SEC13: variants seen among roughly 807,000 people sequenced by gnomAD.
SEC13 encodes the protein SEC13 homolog, nuclear pore and COPII component, also known as protein SEC13 homolog.
Under a neutral mutation model 49.2 loss-of-function variants are expected in SEC13, and 25 were observed. That is an observed-to-expected ratio of 0.51 (90% CI 0.37 to 0.71). The LOEUF is 0.71. Among genes scored for constraint, SEC13 ranks in the 30% least tolerant of loss-of-function variants. The pLI, the probability that SEC13 is intolerant of heterozygous loss-of-function variation, is 0.00. For synonymous variants in SEC13, 148 were observed against 163.9 expected (o/e 0.90, Z 0.74); for missense variants, 383 against 417.6 (o/e 0.92, Z 0.72).
At chr3:10,306,433 GTC>G (rs1321421776) in intron 5 of SEC13, among the ~76,000 whole-genome samples, 2 of 152,180 alleles carry the variant, frequency 1.3e-5, no homozygotes, top group Non-Finnish European at 2.9e-5. Context: ...ACGTTAGATT[GTC>G]TCTTATATTA....
chr3:10,301,012 G>T lies in SEC13; in HGVS notation c.*249C>A. The T allele has an allele frequency of 2.0e-6, 3 of 1,467,514 alleles. No homozygotes were observed. Among genetic ancestry groups the T allele is most frequent in the Non-Finnish European group, 2.8e-6 (3 of 1,067,086 alleles). The allele number at this position is 1,467,514 out of a possible 1,614,324, so 90.9% of individuals were successfully genotyped here. On this transcript the variant is annotated 3_prime_UTR_variant, in exon 9 of 9. Transcript: ENST00000350697. ...CCTGAACCCAAAGGTACATAAAAAT[G>T]ACCCAAAATAGATTTGAACATCACT...
At chr3:10,303,400 C>T (rs559974250) in intron 8 of SEC13, among the ~76,000 whole-genome samples, 32 of 152,318 alleles carry the variant, frequency 2.1e-4, no homozygotes, top group Admixed American at 1.1e-3. Context: ...TTCCTTTCTG[C>T]GGGTAGCTTT....
chr3:10,308,340 C>T (rs1000952673), intron 5 of SEC13, among the ~76,000 whole-genome samples: 1 of 152,120 alleles, frequency 6.6e-6, no homozygotes, highest in Admixed American at 6.5e-5. Context: ...TTCTTTTTTT[C>T]ACTCAGCATA....
At chr3:10,304,721 G>C (rs1260439678) in intron 7 of SEC13, among the ~76,000 whole-genome samples, 2 of 152,166 alleles carry the variant, frequency 1.3e-5, no homozygotes, top group Non-Finnish European at 2.9e-5. Context: ...ATCGTTGCTT[G>C]GGAACACTTG....
Position 10,311,962 on chromosome 3 carries a change from C to CA in SEC13, c.450+2dup, listed in dbSNP as rs1701292228. 3.7e-6 allele frequency: 6 copies of CA among 1,614,108 alleles called. No homozygotes were observed. Among genetic ancestry groups the CA allele is most frequent in the Admixed American group, 1.7e-5 (1 of 60,006 alleles). ...CTGCACGAAAGGCAGGGGATGGACT[C>CA]ACGGTGTGAGCGTTGTTGATCTTCT... On this transcript the variant is annotated splice_region_variant and intron_variant, in intron 5 of 8. Transcript: ENST00000350697.
Position 10,312,031 on chromosome 3 carries a change from G to A in SEC13, c.384C>T (p.Ala128=), listed in dbSNP as rs567419568. 6.2e-7 allele frequency: 1 copy of A among 1,613,948 alleles called. No individual in the cohort carries two copies. Among genetic ancestry groups the A allele is most frequent in the African/African-American group, 1.3e-5 (1 of 75,022 alleles). ...CCCCGGTGTAAGTCAGCAGGGAGAT[G>A]GCCCCATCCGAGCTCCCACAGGCCA... ...LILACGSSDG[A]ISLLTYTGEG... Residue 128 remains alanine (A), a synonymous_variant, in exon 5 of 9, where the codon GCC becomes GCT. Transcript: ENST00000350697.
At chr3:10,315,148 T>C (rs1279599207) in intron 3 of SEC13, 173 bp downstream of exon 3, 3 of 589,372 alleles carry the variant, frequency 5.1e-6, no homozygotes, top group Non-Finnish European at 6.2e-6. Context: ...GCATCATCCC[T>C]GGGGACGTCC....
chr3:10,320,677 G>T, intron 1 of SEC13: 1 of 1,088,838 alleles, frequency 9.2e-7, no homozygotes, highest in Non-Finnish European at 1.1e-6. Context: ...GTAAAGTGTT[G>T]AGAAGAATAG....
At chr3:10,318,655 G>C (rs924805492) in intron 1 of SEC13, among the ~76,000 whole-genome samples, 2 of 152,160 alleles carry the variant, frequency 1.3e-5, no homozygotes, top group African/African-American at 4.8e-5. Flanking sequence ...TTCAGACTGG[G>C]AGACTTGATT....
At position 10,305,076 on chromosome 3, in the gene SEC13, G is replaced by C. The variant is rs759141848; in HGVS notation, c.665C>G (p.Pro222Arg). 2 of 1,614,146 alleles carry C rather than the reference G, an allele frequency of 1.2e-6. No individual in the cohort carries two copies. Among genetic ancestry groups the C allele is most frequent in the South Asian group, 2.2e-5 (2 of 91,082 alleles). Residue 222 changes from proline (P) to arginine (R), a missense_variant, in exon 7 of 9, where the codon CCC becomes CGC. Coordinates refer to ENST00000350697, the MANE Select transcript of SEC13 (RefSeq NM_183352.3). ...GGTGCTGGTGGGCAGGCCGATGGAG[G>C]GGGCCCAGGCCACATCTCGAACCCA... The part of the protein sequence containing the change: ...SDWVRDVAWA[P>R]SIGLPTSTIA...
chr3:10,320,586 A>C, intron 1 of SEC13: 1 of 989,678 alleles, frequency 1.0e-6, no homozygotes, highest in South Asian at 4.6e-5. Context: ...AATGGTTAGG[A>C]GGGTTCAAAT....
intron 1 of SEC13, chr3:10,319,350 C>A: frequency 6.7e-7 from 1 of 1,499,626 alleles, no homozygotes; most frequent in East Asian, 2.4e-5. Flanking sequence ...AAGGAGTTTC[C>A]TCCATGTGCC....
chr3:10,319,308 C>T (rs2059722268), intron 1 of SEC13: 1 of 1,587,512 alleles, frequency 6.3e-7, no homozygotes, highest in Admixed American at 1.9e-5. Flanking sequence ...AAAACCAGGT[C>T]CCCGAAGTCT....
chr3:10,303,965 T>C (rs1171915855), intron 8 of SEC13, 61 bp downstream of exon 8: 4 of 1,584,452 alleles, frequency 2.5e-6, no homozygotes, highest in Non-Finnish European at 3.5e-6. Flanking sequence ...GTGCCCTCTC[T>C]AGTGGGCGGG....
intron 5 of SEC13, chr3:10,311,718 G>A: frequency 7.3e-7 from 1 of 1,371,284 alleles, no homozygotes. Flanking sequence ...GCAGTGAGCA[G>A]GCTGCTGCTG....
intron 2 of SEC13, among the ~76,000 whole-genome samples, chr3:10,316,389 C>A (rs542226694): frequency 6.6e-6 from 1 of 152,316 alleles, no homozygotes; most frequent in Admixed American, 6.5e-5. Flanking sequence ...GGAATTCTCA[C>A]CTCCCTACGC....
At position 10,305,094 on chromosome 3, in the gene SEC13, C is replaced by A; in HGVS notation, c.647G>T (p.Arg216Leu). ...GATGGAGGGGGCCCAGGCCACATCT[C>A]GAACCCAGTCACTGTGCGCTTCTAG... ...QKLEAHSDWVRDVAWAPSIGL... is the reference protein window; with the variant it reads ...QKLEAHSDWVLDVAWAPSIGL... Residue 216 changes from arginine (R) to leucine (L), a missense_variant, in exon 7 of 9, where the codon CGA (arginine) becomes CTA (leucine). Transcript: ENST00000350697. 1.2e-6 allele frequency: 2 copies of A among 1,614,106 alleles called. No individual in the cohort carries two copies. Among genetic ancestry groups the A allele is most frequent in the African/African-American group, 1.3e-5 (1 of 75,042 alleles).
Position 10,312,077 on chromosome 3 carries a change from G to A in SEC13, c.338C>T (p.Pro113Leu), listed in dbSNP as rs1176740212. 1 of 1,608,344 alleles carries A rather than the reference G, an allele frequency of 6.2e-7. No individual in the cohort carries two copies. The highest frequency in any genetic ancestry group is 1.1e-5 in the South Asian group (1 of 90,164). ...GGCCAGGATCAGGCCGTAGTCATGG[G>A]GGGCCCAGCACACCGAGTTCACTGC... ...DSSVNSVCWA[P>L]HDYGLILACG... The change falls in exon 5 of 9, where the codon CCC (proline) becomes CTC (leucine). Residue 113 changes from proline to leucine, a missense_variant. By Grantham distance (98) the Pro-to-Leu change is moderately conservative (BLOSUM62 -3). Transcript: ENST00000350697.
Position 10,312,649 on chromosome 3 carries a change from T to C in SEC13, c.246A>G (p.Lys82=), listed in dbSNP as rs769363338. The change falls in exon 4 of 9, where the codon AAA becomes AAG. Residue 82 remains lysine (K), a synonymous_variant. Transcript: ENST00000350697. Reference sequence around the variant, plus strand: ...CGTTTTCCTCTCTCCAGATAATGACTTTCCGGTCATAGGAGCACGATGCCA... The same window carrying C: ...CGTTTTCCTCTCTCCAGATAATGACCTTCCGGTCATAGGAGCACGATGCCA... ...NILASCSYDR[K]VIIWREENGT... 6.2e-7 allele frequency: 1 copy of C among 1,614,176 alleles called. No homozygotes were observed. Among genetic ancestry groups the C allele is most frequent in the Non-Finnish European group, 8.5e-7 (1 of 1,180,022 alleles).
Sources: allele counts gnomAD v4.1 joint callset (sites outside exome capture counted in the v4.1 genomes callset), GRCh38; gene constraint gnomAD v4.1.1; transcripts MANE v1.5; gene names NCBI Gene and HGNC (gene_info 2026-07-23, HGNC 2026-07-21).